Variants in SNX2 observed in about 807,000 individuals in gnomAD.
The protein encoded by SNX2 is sorting nexin 2, also known as sorting nexin-2.
SNX2 carries 25 observed loss-of-function variants against 69.9 expected under a neutral mutation model. That is an observed-to-expected ratio of 0.36 (90% confidence interval 0.26 to 0.50). The LOEUF (loss-of-function observed/expected upper bound fraction) is 0.50. SNX2 is among the 20% of genes least tolerant of loss of function. The pLI, the probability that SNX2 is intolerant of heterozygous loss-of-function variation, is 0.97. For synonymous variants in SNX2, 229 were observed against 200.4 expected (o/e 1.14, Z -1.20); for missense variants, 551 against 613.3 (o/e 0.90, Z 1.07).
intron 1 of SNX2, among the ~76,000 whole-genome samples, chr5:122,783,607 G>A (rs1306520623): frequency 6.6e-6 from 1 of 152,052 alleles, no homozygotes; most frequent in Admixed American, 6.6e-5. Context: ...ATATATGTGG[G>A]TTGACCTATT....
chr5:122,775,394 C>T, intron 1 of SNX2, 183 bp downstream of exon 1: 2 of 1,294,218 alleles, frequency 1.5e-6, no homozygotes, highest in South Asian at 2.2e-5. Context: ...CGCAGGGCCT[C>T]CTCAGGAGAG....
chr5:122,783,818 T>C (rs1753026242), intron 1 of SNX2, among the ~76,000 whole-genome samples: 1 of 152,178 alleles, frequency 6.6e-6, no homozygotes, highest in African/African-American at 2.4e-5. Flanking sequence ...CCTGCTGAGA[T>C]TTTAATTGGG....
At chr5:122,827,331 T>G (rs1446246804) in intron 12 of SNX2, 48 bp from the exon 13 acceptor site, 3 of 1,497,520 alleles carry the variant, frequency 2.0e-6, no homozygotes, top group Non-Finnish European at 2.8e-6. Flanking sequence ...TTGACAGTAC[T>G]ATACTTTTTT....
intron 1 of SNX2, 26 bp downstream of exon 1, chr5:122,775,237 G>A (rs771643753): frequency 1.4e-5 from 22 of 1,532,946 alleles, no homozygotes; most frequent in Non-Finnish European, 1.8e-5. Context: ...TGCGGGTGCT[G>A]CGCTGCGTAG....
At chr5:122,783,422 A>G (rs563897631) in intron 1 of SNX2, among the ~76,000 whole-genome samples, 17 of 152,330 alleles carry the variant, frequency 1.1e-4, no homozygotes, top group African/African-American at 3.8e-4. Context: ...AGTTTCTTCC[A>G]AAAGAATTTG....
rs1754318528 is a variant in SNX2 at position 122,832,565 on chromosome 5, GTT to G, written c.*2920_*2921del. 6.6e-6 allele frequency: 1 copy of G among 151,932 alleles called. No individual in the cohort carries two copies. The highest frequency in any genetic ancestry group is 1.5e-5 in the Non-Finnish European group (1 of 67,966). The allele number at this position is 151,932 out of a possible 1,614,324, so 9.4% of individuals were successfully genotyped here. ...TTCTTTATTATCTAGATCTAGTAAA[GTT>G]TTCTGCATTCATTGTATTAATGTTG... On this transcript the variant is annotated 3_prime_UTR_variant, in exon 15 of 15. Coordinates refer to ENST00000379516, the MANE Select transcript of SNX2 (RefSeq NM_003100.4).
intron 1 of SNX2, among the ~76,000 whole-genome samples, chr5:122,791,119 A>ATT (rs71623268): frequency 0.033 from 4,262 of 131,068 alleles, 108 homozygotes; most frequent in South Asian, 0.07. Context: ...GGCTATTTCA[A>ATT]TTTTTTTTTT....
At chr5:122,779,079 GAGTAGT>G (rs1170800671) in intron 1 of SNX2, among the ~76,000 whole-genome samples, 2 of 152,094 alleles carry the variant, frequency 1.3e-5, no homozygotes, top group Middle Eastern at 3.2e-3. Flanking sequence ...GTTTTGCATG[GAGTAGT>G]AGATAGTACG....
rs929725285 is a variant in SNX2, at chr5:122,831,588, C to T, written c.*1940C>T. Among the ~76,000 whole-genome samples the T allele has an allele frequency of 1.3e-5, 2 of 152,174 alleles. No homozygotes were observed. Among genetic ancestry groups the T allele is most frequent in the African/African-American group, 4.8e-5 (2 of 41,450 alleles). On this transcript the variant is annotated 3_prime_UTR_variant, in exon 15 of 15. Transcript: ENST00000379516. ...ATAGTACAATCATCTTTTGTTGCTTCTGGGAATACTTTTCAGAAACGAATA... is the reference window on the plus strand; with the variant it reads ...ATAGTACAATCATCTTTTGTTGCTTTTGGGAATACTTTTCAGAAACGAATA...
rs575662181 is a variant in SNX2 at position 122,776,990 on chromosome 5, G to T, written c.108+1779G>T. On this transcript the variant is annotated intron_variant, in intron 1 of 14. Transcript: ENST00000379516. Reference sequence around the variant, plus strand: ...CACCTTATTTAATGTACTCATTTAGGTTACTAATTTTCAGAAGGTGGTGTG... The same window carrying T: ...CACCTTATTTAATGTACTCATTTAGTTTACTAATTTTCAGAAGGTGGTGTG... 9.9e-5 allele frequency among the ~76,000 whole-genome samples: 15 copies of T among 152,154 alleles called. No individual in the cohort carries two copies. The South Asian group carries it at 2.1e-3, about 21-fold the overall frequency.
intron 1 of SNX2, among the ~76,000 whole-genome samples, chr5:122,794,039 A>G (rs1252759800): frequency 6.6e-6 from 1 of 151,962 alleles, no homozygotes; most frequent in African/African-American, 2.4e-5. Flanking sequence ...GAAGTACAAG[A>G]GTGGCTCATT....
At chr5:122,822,843 G>A (rs538397676) in intron 11 of SNX2, among the ~76,000 whole-genome samples, 12 of 152,108 alleles carry the variant, frequency 7.9e-5, no homozygotes, top group Admixed American at 2.0e-4. Flanking sequence ...ATTTTTGTAG[G>A]GGATCCCAAT....
chr5:122,786,319 G>T (rs1454784954), intron 1 of SNX2, among the ~76,000 whole-genome samples: 3 of 151,958 alleles, frequency 2.0e-5, no homozygotes, highest in Non-Finnish European at 4.4e-5. Context: ...TTCCTAATGG[G>T]TATATTTAGG....
At position 122,808,396 on chromosome 5, in the gene SNX2, A is replaced by G. The variant is rs761592328; in HGVS notation, c.722+41A>G. On this transcript the variant is annotated intron_variant, in intron 7 of 14. Transcript: ENST00000379516. ...TATATTTTATTACTCTCATGTTTGTACCTTAATATAAATGTAATTCCATTA... is the reference window on the plus strand; with the variant it reads ...TATATTTTATTACTCTCATGTTTGTGCCTTAATATAAATGTAATTCCATTA... 4 of 1,353,354 alleles carry G rather than the reference A, an allele frequency of 3.0e-6. No homozygotes were observed. In the Admixed American group the frequency reaches 6.2e-5, roughly 21 times the overall value. The allele number at this position is 1,353,354 out of a possible 1,614,324, so 83.8% of individuals were successfully genotyped here. A position where few individuals can be genotyped will look rare whatever the true frequency, so the allele number is the denominator to read the frequency against.
At chr5:122,799,927 T>G in intron 3 of SNX2, 72 bp downstream of exon 3, 1 of 1,199,116 alleles carries the variant, frequency 8.3e-7, no homozygotes, top group South Asian at 1.6e-5. Context: ...CACTCTGCTG[T>G]TAGTCATTTC....
rs1753702101 is a variant in SNX2, at chr5:122,808,536, A to AT, written c.722+183dup. The AT allele has an allele frequency of 1.3e-5, 6 of 470,182 alleles. No homozygotes were observed. The East Asian group carries it at 2.0e-4, about 16-fold the overall frequency. The allele number at this position is 470,182 out of a possible 1,614,324, so 29.1% of individuals were successfully genotyped here. A position where few individuals can be genotyped will look rare whatever the true frequency, so the allele number is the denominator to read the frequency against. On this transcript the variant is annotated intron_variant, in intron 7 of 14. Coordinates refer to ENST00000379516, the MANE Select transcript of SNX2 (RefSeq NM_003100.4). ...ACTTCTTTCAACAAAGTACTGTATA[A>AT]TTGTTCTGTATAATTTTTAGTAATC...
At chr5:122,822,616 A>T (rs1040091416) in intron 11 of SNX2, among the ~76,000 whole-genome samples, 2 of 152,122 alleles carry the variant, frequency 1.3e-5, no homozygotes, top group Admixed American at 1.3e-4. Flanking sequence ...GCTACATTTT[A>T]CCCATTTCAA....
intron 1 of SNX2, among the ~76,000 whole-genome samples, chr5:122,789,842 A>T (rs936079474): frequency 3.9e-5 from 6 of 152,202 alleles, no homozygotes; most frequent in African/African-American, 1.4e-4. Context: ...ATCTGTCAGA[A>T]TTTGTTTACT....
At position 122,775,227 on chromosome 5, in the gene SNX2, T is replaced by C. The variant is rs1752828609; in HGVS notation, c.108+16T>C. ...CACCCTAGAGGTGAGACCGCGTCGCTGCGGGTGCTGCGCTGCGTAGCTGCC... is the reference window on the plus strand; with the variant it reads ...CACCCTAGAGGTGAGACCGCGTCGCCGCGGGTGCTGCGCTGCGTAGCTGCC... On this transcript the variant is annotated intron_variant, in intron 1 of 14. Coordinates refer to ENST00000379516, the MANE Select transcript of SNX2 (RefSeq NM_003100.4). 1 of 1,542,338 alleles carries C rather than the reference T, an allele frequency of 6.5e-7. No homozygotes were observed. The highest frequency in any genetic ancestry group is 8.8e-7 in the Non-Finnish European group (1 of 1,141,464).
Sources: gnomAD v4.1 joint callset for allele counts (sites outside exome capture counted in the v4.1 genomes callset) on GRCh38, gnomAD v4.1.1 for gene constraint, MANE v1.5 for transcripts, NCBI Gene and HGNC (gene_info 2026-07-23, HGNC 2026-07-21) for gene names.